CNTN2: variants seen among roughly 807,000 people sequenced by gnomAD.
CNTN2 encodes contactin-2.
Under a neutral mutation model 117.5 loss-of-function variants are expected in CNTN2, and 53 were observed. That is an observed-to-expected ratio of 0.45 (90% confidence interval 0.36 to 0.57). CNTN2 has a LOEUF of 0.57. Among genes scored for constraint, CNTN2 ranks in the 20% least tolerant of loss-of-function variants. The probability of loss-of-function intolerance (pLI) is 0.00; values close to 1 mark genes in which losing one functional copy is unlikely to be tolerated. For synonymous variants in CNTN2, 530 were observed against 561.7 expected (o/e 0.94, Z 0.80); for missense variants, 1,106 against 1,404.3 (o/e 0.79, Z 3.39).
In CNTN2 at chr1:205,058,127, A is replaced by G; in HGVS notation, c.216-54A>G. On this transcript the variant is annotated intron_variant, in intron 3 of 22. Coordinates refer to ENST00000331830, the MANE Select transcript of CNTN2 (RefSeq NM_005076.5). The surrounding 1 kb of genome is among the most constrained non-coding windows in gnomAD (Gnocchi z 4.3). Reference sequence around the variant, plus strand: ...CAGCCGTTGAACTTTCCCTCTCATCAGCCCTGCCACCAGGCAGGACTCAGA... The same window carrying G: ...CAGCCGTTGAACTTTCCCTCTCATCGGCCCTGCCACCAGGCAGGACTCAGA... 4 of 1,600,002 alleles carry G rather than the reference A, an allele frequency of 2.5e-6. No individual in the cohort carries two copies. The highest frequency in any genetic ancestry group is 3.4e-6 in the Non-Finnish European group (4 of 1,172,928).
chr1:205,056,471 C>T (rs1653628699), intron 2 of CNTN2, among the ~76,000 whole-genome samples: 1 of 152,216 alleles, frequency 6.6e-6, no homozygotes, highest in African/African-American at 2.4e-5. Context: ...TTCCTGGGAG[C>T]CCTGCCTCCT....
At chr1:205,072,968 C>CCCAGAA in intron 21 of CNTN2, 100 bp from the exon 22 acceptor site, 1 of 1,330,362 alleles carries the variant, frequency 7.5e-7, no homozygotes, top group African/African-American at 1.5e-5. Context: ...ACCTCAAGAG[C>CCCAGAA]CCAGAACCAT....
Position 205,069,986 on chromosome 1 carries a change from G to A in CNTN2, c.2356G>A (p.Val786Ile), listed in dbSNP as rs780226583. ...CGTCCGGCCCTACACGCCCTTTGAGGTCAAGATCCGCAGCTACAACCGCCG... is the reference window on the plus strand; with the variant it reads ...CGTCCGGCCCTACACGCCCTTTGAGATCAAGATCCGCAGCTACAACCGCCG... ...ESVRPYTPFE[V>I]KIRSYNRRGD... The change falls in exon 18 of 23, where the codon GTC becomes ATC. Residue 786 changes from valine to isoleucine, a missense_variant. Val to Ile is a conservative substitution (Grantham distance 29). Transcript: ENST00000331830. The A allele has an allele frequency of 3.1e-6, 5 of 1,613,584 alleles. No homozygotes were observed. Among genetic ancestry groups the A allele is most frequent in the Non-Finnish European group, 4.2e-6 (5 of 1,180,042 alleles).
intron 11 of CNTN2, 70 bp downstream of exon 11, chr1:205,064,542 T>A (rs1264198658): frequency 6.3e-7 from 1 of 1,596,854 alleles, no homozygotes; most frequent in East Asian, 2.2e-5. Flanking sequence ...ATTCCCCTCC[T>A]GTGACAACAG....
chr1:205,065,163 C>T lies in CNTN2; in HGVS notation c.1596C>T (p.Ala532=), dbSNP rs1003669995. 2.5e-6 allele frequency: 4 copies of T among 1,614,186 alleles called. No homozygotes were observed. The highest frequency in any genetic ancestry group is 3.4e-6 in the Non-Finnish European group (4 of 1,180,036). The part of the protein sequence containing the change: ...LGDNLTLQCH[A]SHDPTMDLTF... ...ACAACCTGACCCTACAGTGCCATGC[C>T]TCCCACGACCCCACCATGGACCTCA... Residue 532 remains alanine (A), a synonymous_variant, in exon 13 of 23, where the codon GCC becomes GCT. Transcript: ENST00000331830. The surrounding 1 kb of genome is among the most constrained non-coding windows in gnomAD (Gnocchi z 4.1).
At chr1:205,051,617 GC>G (rs1302770972) in intron 1 of CNTN2, among the ~76,000 whole-genome samples, 3 of 152,060 alleles carry the variant, frequency 2.0e-5, no homozygotes, top group African/African-American at 7.2e-5. Flanking sequence ...CTGCTCCAAC[GC>G]CCCCCACCCC....
chr1:205,067,282 A>T, intron 16 of CNTN2, 32 bp downstream of exon 16: 2 of 1,599,218 alleles, frequency 1.3e-6, no homozygotes, highest in African/African-American at 1.3e-5. Flanking sequence ...AAAAGCTATC[A>T]TCAGGGCAGA....
chr1:205,070,155 T>G, intron 18 of CNTN2, 94 bp downstream of exon 18: 1 of 1,272,930 alleles, frequency 7.9e-7, no homozygotes. Context: ...CCCAGCTCAG[T>G]TCCATAGGAG....
Position 205,062,497 on chromosome 1 carries a change from T to A in CNTN2, c.1168T>A (p.Ser390Thr). 6.2e-7 allele frequency: 1 copy of A among 1,614,054 alleles called. No homozygotes were observed. Among genetic ancestry groups the A allele is most frequent in the Non-Finnish European group, 8.5e-7 (1 of 1,179,986 alleles). Reference protein sequence around the residue: ...LRFSKLSLEDSGMYQCVAENK... With the variant: ...LRFSKLSLEDTGMYQCVAENK... ...GTTCTCCAAGCTGAGCCTGGAAGAC[T>A]CGGGCATGTACCAGTGTGTGGCAGA... The change falls in exon 10 of 23, where the codon TCG becomes ACG. Residue 390 changes from serine to threonine, a missense_variant. By Grantham distance (58) the Ser-to-Thr change is moderately conservative. Coordinates refer to ENST00000331830, the MANE Select transcript of CNTN2 (RefSeq NM_005076.5).
chr1:205,050,364 G>A (rs190374228), intron 1 of CNTN2, among the ~76,000 whole-genome samples: 1 of 151,380 alleles, frequency 6.6e-6, no homozygotes, highest in Admixed American at 6.6e-5. Context: ...AGGAAGAACG[G>A]AAGACCTGTC....
Position 205,066,052 on chromosome 1 carries a change from C to G in CNTN2, c.1816+143C>G, listed in dbSNP as rs977717769. 7.0e-6 allele frequency: 7 copies of G among 994,868 alleles called. No homozygotes were observed. The African/African-American group carries it at 1.2e-4, about 16-fold the overall frequency. The allele number at this position is 994,868 out of a possible 1,614,324, so 61.6% of individuals were successfully genotyped here. A position where few individuals can be genotyped will look rare whatever the true frequency, so the allele number is the denominator to read the frequency against. On this transcript the variant is annotated intron_variant, in intron 14 of 22. Transcript: ENST00000331830. ...GCGGAACTCCTGTGAGCTGGATATA[C>G]CCTGTGGTTCTTCACAGGTCCTAAA...
Position 205,059,571 on chromosome 1 carries a change from C to G in CNTN2, c.698-12C>G, listed in dbSNP as rs748206749. 50 of 1,613,390 alleles carry G rather than the reference C, an allele frequency of 3.1e-5. No homozygotes were observed. The highest frequency in any genetic ancestry group is 4.1e-5 in the Non-Finnish European group (48 of 1,179,432). ...TCATCTGCATCTGATTTGTAAAACC[C>G]TCTCTCCCCAGATACCCGGCTCTTT... On this transcript the variant is annotated splice_polypyrimidine_tract_variant and intron_variant, in intron 6 of 22. Transcript: ENST00000331830. The surrounding 1 kb of genome is among the most constrained non-coding windows in gnomAD (Gnocchi z 5.6).
At chr1:205,047,929 G>A (rs908819224) in intron 1 of CNTN2, among the ~76,000 whole-genome samples, 20 of 152,138 alleles carry the variant, frequency 1.3e-4, no homozygotes, top group African/African-American at 4.3e-4. Flanking sequence ...GTTAAGTAAC[G>A]ACTGTGATAA....
chr1:205,060,559 A>G (rs1356514667), intron 7 of CNTN2: 1 of 151,538 alleles, frequency 6.6e-6, no homozygotes, highest in Non-Finnish European at 1.5e-5. Flanking sequence ...CTAAAAATAC[A>G]AAAAAAACTA....
chr1:205,057,947 A>G lies in CNTN2; in HGVS notation c.97A>G (p.Thr33Ala). The change falls in exon 3 of 23, where the codon ACC becomes GCC. Residue 33 changes from threonine (T) to alanine (A), a missense_variant. Thr to Ala is a moderately conservative substitution (Grantham distance 58). Coordinates refer to ENST00000331830, the MANE Select transcript of CNTN2 (RefSeq NM_005076.5). The part of the protein sequence containing the change: ...SAWSSALGSQ[T>A]TFGPVFEDQP... ...TTGGAGTTCAGCCCTGGGATCCCAAACCACCTTCGGGCCTGTCTTTGAAGA... is the reference window on the plus strand; with the variant it reads ...TTGGAGTTCAGCCCTGGGATCCCAAGCCACCTTCGGGCCTGTCTTTGAAGA... 1.2e-6 allele frequency: 2 copies of G among 1,613,924 alleles called. No individual in the cohort carries two copies. Among genetic ancestry groups the G allele is most frequent in the Non-Finnish European group, 1.7e-6 (2 of 1,179,944 alleles).
rs771548059 is a variant in CNTN2 at position 205,073,731 on chromosome 1, C to T, written c.3089C>T (p.Ala1030Val). 2.2e-5 allele frequency: 36 copies of T among 1,613,984 alleles called. No individual in the cohort carries two copies. The highest frequency in any genetic ancestry group is 8.3e-5 in the Admixed American group (5 of 60,030). ...GGCACCGTCATTTCCCACTCCGTGG[C>T]GATGCTGATCCTCATAGGCTCCCTG... is the stretch of plus-strand genomic sequence containing the variant. ...HPGTVISHSV[A>V]MLILIGSLEL is the part of the protein sequence containing the mutation. Residue 1030 changes from alanine (A) to valine (V), a missense_variant, in exon 23 of 23, where the codon GCG becomes GTG. Physicochemically the swap from Ala to Val is moderately conservative, Grantham distance 64. Transcript: ENST00000331830. The surrounding 1 kb of genome is among the most constrained non-coding windows in gnomAD (Gnocchi z 6.3).
chr1:205,051,868 C>G (rs2096453565), intron 1 of CNTN2, among the ~76,000 whole-genome samples: 3 of 152,168 alleles, frequency 2.0e-5, no homozygotes, highest in Non-Finnish European at 4.4e-5. Context: ...GGCCTTCAGC[C>G]CCTGCACAGG....
chr1:205,063,908 G>GA (rs920508536), intron 10 of CNTN2, among the ~76,000 whole-genome samples: 16 of 150,106 alleles, frequency 1.1e-4, no homozygotes, highest in East Asian at 7.8e-4. Context: ...GAGAGAGAGA[G>GA]AAAAAAAAAG....
At chr1:205,069,366 G>C in intron 16 of CNTN2, 125 bp from the exon 17 acceptor site, 3 of 829,362 alleles carry the variant, frequency 3.6e-6, no homozygotes, top group Non-Finnish European at 5.6e-6. Context: ...GGACCACTGG[G>C]GGGCAAACCC....
Sources: allele counts gnomAD v4.1 joint callset (sites outside exome capture counted in the v4.1 genomes callset), GRCh38; gene constraint gnomAD v4.1.1; non-coding constraint Gnocchi (gnomAD v3.1); transcripts MANE v1.5; gene names NCBI Gene and HGNC (gene_info 2026-07-23, HGNC 2026-07-21).